NRXN1: variants seen among roughly 807,000 people sequenced by gnomAD.
NRXN1 encodes neurexin-1.
NRXN1 carries 39 observed loss-of-function variants against 150.9 expected under a neutral mutation model. The observed-to-expected ratio is 0.26, with a 90% CI of 0.20 to 0.34. The LOEUF (loss-of-function observed/expected upper bound fraction) is 0.34. NRXN1 is among the 10% of genes least tolerant of loss of function. The pLI, the probability that NRXN1 is intolerant of heterozygous loss-of-function variation, is 1.00. For synonymous variants in NRXN1, 924 were observed against 757.0 expected, an observed-to-expected ratio of 1.22 and a Z score of -3.62; for missense variants, 1,815 against 1,949.9, an observed-to-expected ratio of 0.93 and a Z score of 1.30.
intron 18 of NRXN1, among the ~76,000 whole-genome samples, chr2:50,155,286 C>T (rs1174303274): frequency 6.6e-6 from 1 of 151,466 alleles, no homozygotes; most frequent in Non-Finnish European, 1.5e-5. Context: ...CTAGCATCCC[C>T]AAGTCTATAG....
chr2:50,453,596 T>C (rs529457655), intron 17 of NRXN1, among the ~76,000 whole-genome samples: 93 of 152,324 alleles, frequency 6.1e-4, no homozygotes, highest in African/African-American at 2.1e-3. Context: ...AAACTAAGTC[T>C]CTTGTTCTTG....
At chr2:50,481,760 CTTTTT>C (rs758265489) in intron 15 of NRXN1, among the ~76,000 whole-genome samples, 4 of 82,964 alleles carry the variant, frequency 4.8e-5, no homozygotes, top group East Asian at 7.5e-4. Flanking sequence ...ACTTTTGTTT[CTTTTT>C]TTTTTTTTTT....
chr2:49,990,359 G>C (rs112717473), intron 21 of NRXN1, among the ~76,000 whole-genome samples: 1 of 152,162 alleles, frequency 6.6e-6, no homozygotes. Context: ...AAGGAAGGAG[G>C]GAGAGCCAGG....
rs35673922 is a variant in NRXN1 at position 50,115,217 on chromosome 2, G to GTATATATATATA, written c.3547-23735_3547-23724dup. ...ACAAAAAAACATATATATGTTATGTGTATATATATATATATATATATATAC... is the reference window on the plus strand; with the variant it reads ...ACAAAAAAACATATATATGTTATGTGTATATATATATATATATATATATATATATATATATAC... On this transcript the variant is annotated intron_variant, in intron 18 of 22. Coordinates refer to ENST00000401669, the MANE Select transcript of NRXN1 (RefSeq NM_001330078.2). Among the ~76,000 whole-genome samples the GTATATATATATA allele has an allele frequency of 7.9e-3, 1,071 of 134,848 alleles. 9 individuals carry two copies. The highest frequency in any genetic ancestry group is 0.02 in the Middle Eastern group (5 of 246). The allele number at this position is 134,848 out of a possible 152,430, so 88.5% of individuals were successfully genotyped here.
chr2:50,346,802 C>T lies in NRXN1; in HGVS notation c.3365-109832G>A. The T allele has an allele frequency of 6.2e-7, 1 of 1,613,460 alleles. No homozygotes were observed. Among genetic ancestry groups the T allele is most frequent in the Non-Finnish European group, 8.5e-7 (1 of 1,179,900 alleles). On this transcript the variant is annotated intron_variant, in intron 17 of 22. Transcript: ENST00000401669. This position sits in a 1 kb window ranked among gnomAD's most constrained non-coding sequence, Gnocchi z 5.0. ...TGGTGCGCTCCCAAACTGGATGCCC[C>T]CCACGCCACTCCTAGGAGGCCGCTG...
chr2:50,727,583 T>C (rs1697545733), intron 5 of NRXN1, among the ~76,000 whole-genome samples: 1 of 152,064 alleles, frequency 6.6e-6, no homozygotes, highest in Non-Finnish European at 1.5e-5. Context: ...TAAAAATACA[T>C]CTTAAAAAAA....
At chr2:50,327,521 T>C (rs1407986486) in intron 17 of NRXN1, among the ~76,000 whole-genome samples, 4 of 151,988 alleles carry the variant, frequency 2.6e-5, no homozygotes, top group Admixed American at 6.6e-5. Flanking sequence ...ACTTGCACAA[T>C]TGTATTGTAT....
chr2:50,914,044 A>C (rs938286225), intron 5 of NRXN1, among the ~76,000 whole-genome samples: 8 of 151,760 alleles, frequency 5.3e-5, no homozygotes, highest in African/African-American at 1.9e-4. Context: ...GTAATAGGAC[A>C]TACATTTTAA....
At chr2:50,291,397 T>A (rs538616830) in intron 17 of NRXN1, among the ~76,000 whole-genome samples, 1 of 152,296 alleles carries the variant, frequency 6.6e-6, no homozygotes, top group African/African-American at 2.4e-5. Flanking sequence ...ACACTAGATA[T>A]CAAAGGGCAT....
At chr2:50,628,295 A>G (rs1681554587) in intron 5 of NRXN1, among the ~76,000 whole-genome samples, 2 of 151,806 alleles carry the variant, frequency 1.3e-5, no homozygotes, top group Non-Finnish European at 3.0e-5. Flanking sequence ...TTACTTAAAA[A>G]TGAAAATATA....
intron 5 of NRXN1, among the ~76,000 whole-genome samples, chr2:50,907,011 C>G (rs1683791495): frequency 6.6e-6 from 1 of 152,042 alleles, no homozygotes; most frequent in South Asian, 2.1e-4. Flanking sequence ...CAAGTCATAG[C>G]AACCAGAATT....
chr2:50,440,783 G>A (rs1165209017), intron 17 of NRXN1, among the ~76,000 whole-genome samples: 5 of 151,960 alleles, frequency 3.3e-5, no homozygotes, highest in East Asian at 1.9e-4. Context: ...TTATGAAAAG[G>A]TGCACATAAC....
At chr2:50,584,085 C>T (rs1316678645) in intron 8 of NRXN1, among the ~76,000 whole-genome samples, 1 of 152,114 alleles carries the variant, frequency 6.6e-6, no homozygotes, top group African/African-American at 2.4e-5. Flanking sequence ...TTAATACGTC[C>T]TTGAAAAATT....
intron 22 of NRXN1, among the ~76,000 whole-genome samples, chr2:49,942,243 G>C (rs566972170): frequency 6.6e-5 from 10 of 152,148 alleles, no homozygotes; most frequent in African/African-American, 2.4e-4. Flanking sequence ...GAGGAAAGAG[G>C]ACCAGAGCAT....
At chr2:51,023,052 A>G (rs1257021498) in intron 2 of NRXN1, among the ~76,000 whole-genome samples, 1 of 152,190 alleles carries the variant, frequency 6.6e-6, no homozygotes, top group Non-Finnish European at 1.5e-5. Context: ...ACACCTAACC[A>G]AACCCATGAT....
chr2:50,631,185 A>C (rs762797360), intron 5 of NRXN1: 2 of 414,580 alleles, frequency 4.8e-6, no homozygotes, highest in Non-Finnish European at 9.5e-6. Flanking sequence ...CTATTTTTCA[A>C]CATATGTAAA....
At chr2:50,174,774 A>C (rs1356460715) in intron 18 of NRXN1, 3 of 152,184 alleles carry the variant, frequency 2.0e-5, no homozygotes, top group Non-Finnish European at 4.4e-5. Context: ...TTGCTGTTGT[A>C]ATTATGGATT....
At chr2:50,458,433 G>C (rs1305480134) in intron 17 of NRXN1, among the ~76,000 whole-genome samples, 2 of 152,084 alleles carry the variant, frequency 1.3e-5, no homozygotes, top group African/African-American at 4.8e-5. Context: ...AGCTAGAAGA[G>C]TGGAATTGGA....
intron 21 of NRXN1, among the ~76,000 whole-genome samples, chr2:49,972,000 G>T (rs948610454): frequency 2.0e-5 from 3 of 152,080 alleles, no homozygotes; most frequent in African/African-American, 7.2e-5. Flanking sequence ...AAATCCACTA[G>T]ATAACTGACA....
Sources: gnomAD v4.1 joint callset for allele counts (sites outside exome capture counted in the v4.1 genomes callset) on GRCh38, gnomAD v4.1.1 for gene constraint, Gnocchi (gnomAD v3.1) non-coding constraint, MANE v1.5 for transcripts, NCBI Gene and HGNC (gene_info 2026-07-23, HGNC 2026-07-21) for gene names.